Variants in RNF150 observed in about 807,000 individuals in gnomAD.
The protein encoded by RNF150 is ring finger protein 150.
A neutral mutation model predicts 39.3 loss-of-function variants in RNF150; 24 were observed. The ratio of observed to expected loss-of-function variants is 0.61; its 90% CI spans 0.44 to 0.86. RNF150 has a LOEUF of 0.86. Among genes scored for constraint, RNF150 ranks in the 40% least tolerant of loss-of-function variants. The probability of loss-of-function intolerance (pLI) is 0.00; values close to 1 mark genes in which losing one functional copy is unlikely to be tolerated. For synonymous variants in RNF150, 255 were observed against 227.3 expected (o/e 1.12, Z -1.10); for missense variants, 502 against 587.8 (o/e 0.85, Z 1.51).
At chr4:140,931,311 C>CA (rs5862507) in intron 4 of RNF150, among the ~76,000 whole-genome samples, 140,372 of 152,042 alleles carry the variant, frequency 0.92, 65,282 homozygotes, top group South Asian at 0.99. Context: ...GAACTAAGGG[C>CA]AAAAAAGAAA....
intron 1 of RNF150, among the ~76,000 whole-genome samples, chr4:141,186,306 G>T (rs778451197): frequency 6.6e-5 from 10 of 152,184 alleles, no homozygotes; most frequent in Non-Finnish European, 1.2e-4. Context: ...AGATTTTCTA[G>T]ATTATTTGCA....
chr4:141,182,769 A>C (rs1397280914), intron 1 of RNF150, among the ~76,000 whole-genome samples: 2 of 111,676 alleles, frequency 1.8e-5, no homozygotes, highest in African/African-American at 7.0e-5. Flanking sequence ...GGTAATTTAC[A>C]GATTCAATGC....
chr4:141,192,408 G>A (rs1728125501), intron 1 of RNF150, among the ~76,000 whole-genome samples: 1 of 152,170 alleles, frequency 6.6e-6, no homozygotes, highest in Non-Finnish European at 1.5e-5. Context: ...TCTGCTTCAT[G>A]GAGTTTGTAG....
chr4:141,093,331 A>G (rs1298719574), intron 1 of RNF150, among the ~76,000 whole-genome samples: 1 of 147,472 alleles, frequency 6.8e-6, no homozygotes, highest in Non-Finnish European at 1.5e-5. Context: ...ACACCACTGC[A>G]CTCCAGCTGG....
intron 1 of RNF150, among the ~76,000 whole-genome samples, chr4:141,168,811 G>A (rs533446818): frequency 9.2e-5 from 14 of 152,122 alleles, no homozygotes; most frequent in Non-Finnish European, 1.3e-4. Context: ...GGGAGTTAGG[G>A]GAGGGATAGC....
chr4:141,075,764 T>A (rs1209230477), intron 1 of RNF150, among the ~76,000 whole-genome samples: 1 of 152,178 alleles, frequency 6.6e-6, no homozygotes, highest in Non-Finnish European at 1.5e-5. Flanking sequence ...TTAATTTTTC[T>A]TAAGTGAGGT....
chr4:141,065,322 A>G (rs1314722350), intron 1 of RNF150, among the ~76,000 whole-genome samples: 1 of 152,204 alleles, frequency 6.6e-6, no homozygotes, highest in Non-Finnish European at 1.5e-5. Context: ...GGGATAGGGA[A>G]GAAAAGTGAC....
At chr4:141,081,887 T>G (rs1738163107) in intron 1 of RNF150, among the ~76,000 whole-genome samples, 1 of 152,256 alleles carries the variant, frequency 6.6e-6, no homozygotes, top group Non-Finnish European at 1.5e-5. Context: ...TTATACCCTG[T>G]GGAGAATTCA....
chr4:141,048,914 C>T (rs1405125482), intron 1 of RNF150, among the ~76,000 whole-genome samples: 5 of 152,158 alleles, frequency 3.3e-5, no homozygotes, highest in Non-Finnish European at 5.9e-5. Flanking sequence ...TCTCTCATTG[C>T]TAACTCTCCT....
intron 5 of RNF150, among the ~76,000 whole-genome samples, chr4:140,922,315 T>C (rs1443973969): frequency 6.6e-6 from 1 of 150,776 alleles, no homozygotes; most frequent in Non-Finnish European, 1.5e-5. Context: ...AGCATTCTTA[T>C]ACACCAATAA....
Position 141,132,283 on chromosome 4 carries a change from TC to T in RNF150, c.484+41del, listed in dbSNP as rs1726914340. 6.5e-7 allele frequency: 1 copy of T among 1,549,716 alleles called. No individual in the cohort carries two copies. Among genetic ancestry groups the T allele is most frequent in the Non-Finnish European group, 8.7e-7 (1 of 1,145,852 alleles). Reference sequence around the variant, plus strand: ...CGCTGGATCCCTCTAGGCACCTCCGTCCCCGCCGGCTCCCCTCCCCCGCGCC... The same window carrying T: ...CGCTGGATCCCTCTAGGCACCTCCGTCCCGCCGGCTCCCCTCCCCCGCGCC... On this transcript the variant is annotated intron_variant, in intron 1 of 6. Transcript: ENST00000515673. The surrounding 1 kb of genome is among the most constrained non-coding windows in gnomAD (Gnocchi z 4.9).
chr4:141,078,860 C>T (rs975300796), intron 1 of RNF150, among the ~76,000 whole-genome samples: 34 of 136,670 alleles, frequency 2.5e-4, no homozygotes, highest in African/African-American at 8.0e-4. Context: ...TACATACATA[C>T]ATATATATAT....
chr4:141,035,968 A>G (rs1247669889), intron 1 of RNF150, among the ~76,000 whole-genome samples: 1 of 151,928 alleles, frequency 6.6e-6, no homozygotes, highest in Non-Finnish European at 1.5e-5. Flanking sequence ...AGAGCATCTT[A>G]AAAGATATAA....
intron 5 of RNF150, among the ~76,000 whole-genome samples, chr4:140,914,856 G>T (rs773707154): frequency 2.0e-5 from 3 of 152,128 alleles, no homozygotes; most frequent in Non-Finnish European, 2.9e-5. Context: ...TCATTGTAGA[G>T]AAATCACTTA....
intron 6 of RNF150, among the ~76,000 whole-genome samples, chr4:140,884,437 AG>A (rs1228750653): frequency 6.6e-6 from 1 of 152,172 alleles, no homozygotes; most frequent in Admixed American, 6.5e-5. Flanking sequence ...GGTTTCATAC[AG>A]GTACAGGTAG....
At chr4:141,149,911 T>C (rs975183733) in intron 1 of RNF150, among the ~76,000 whole-genome samples, 2 of 152,230 alleles carry the variant, frequency 1.3e-5, no homozygotes, top group Non-Finnish European at 2.9e-5. Flanking sequence ...TTAAAATTTA[T>C]TTTATTATGG....
chr4:141,082,354 T>C (rs1476324310), intron 1 of RNF150, among the ~76,000 whole-genome samples: 1 of 152,206 alleles, frequency 6.6e-6, no homozygotes, highest in East Asian at 1.9e-4. Context: ...TTGAAACCAA[T>C]GCACAAGGTG....
intron 1 of RNF150, among the ~76,000 whole-genome samples, chr4:141,071,261 T>A (rs544682727): frequency 1.2e-3 from 174 of 142,404 alleles, no homozygotes; most frequent in African/African-American, 4.3e-3. Flanking sequence ...AGGGATAGCA[T>A]TGGGAGATAT....
At chr4:141,157,711 C>T (rs920778179) in intron 1 of RNF150, among the ~76,000 whole-genome samples, 5 of 152,116 alleles carry the variant, frequency 3.3e-5, no homozygotes, top group Admixed American at 6.5e-5. Context: ...GAAGTTTACA[C>T]GATAACATAT....
Sources: gnomAD v4.1 joint callset for allele counts (sites outside exome capture counted in the v4.1 genomes callset) on GRCh38, gnomAD v4.1.1 for gene constraint, Gnocchi (gnomAD v3.1) non-coding constraint, MANE v1.5 for transcripts, NCBI Gene and HGNC (gene_info 2026-07-23, HGNC 2026-07-21) for gene names.